Variants in RYR3 observed in about 807,000 individuals in gnomAD.
The protein encoded by RYR3 is ryanodine receptor 3.
In RYR3, 207 loss-of-function variants were observed where a neutral mutation model predicts 584.3. That is an observed-to-expected ratio of 0.35 (90% CI 0.32 to 0.40). The LOEUF (loss-of-function observed/expected upper bound fraction) is 0.40. RYR3 is among the 10% of genes least tolerant of loss of function. RYR3 has a pLI of 1.00. For synonymous variants in RYR3, 2,416 were observed against 2,248.5 expected, an observed-to-expected ratio of 1.07 and a Z score of -2.11; for missense variants, 5,616 against 6,089.2, an observed-to-expected ratio of 0.92 and a Z score of 2.59.
intron 1 of RYR3, among the ~76,000 whole-genome samples, chr15:33,387,568 T>C (rs1567142525): frequency 6.6e-6 from 1 of 151,652 alleles, no homozygotes; most frequent in East Asian, 1.9e-4. Context: ...GCTTGATCCT[T>C]AAATATGTGC....
At chr15:33,635,531 T>C in intron 25 of RYR3, 83 bp from the exon 26 acceptor site, 2 of 1,021,474 alleles carry the variant, frequency 2.0e-6, no homozygotes, top group Non-Finnish European at 1.5e-6. Flanking sequence ...TCAAATTCTT[T>C]TGAGTAGTGC....
intron 1 of RYR3, among the ~76,000 whole-genome samples, chr15:33,317,705 A>G (rs1968388418): frequency 6.6e-6 from 1 of 152,136 alleles, no homozygotes; most frequent in South Asian, 2.1e-4. Context: ...AGTTCAGATC[A>G]TCTCTGAGAC....
chr15:33,642,344 G>A (rs2061876715), intron 27 of RYR3, among the ~76,000 whole-genome samples: 1 of 152,164 alleles, frequency 6.6e-6, no homozygotes, highest in East Asian at 1.9e-4. Context: ...TCACATCAAG[G>A]CTGGACTATT....
intron 1 of RYR3, among the ~76,000 whole-genome samples, chr15:33,388,572 G>A (rs748794513): frequency 1.3e-5 from 2 of 152,080 alleles, no homozygotes; most frequent in Non-Finnish European, 2.9e-5. Context: ...CAAGAATGAA[G>A]ACAAGGACAA....
intron 16 of RYR3, among the ~76,000 whole-genome samples, chr15:33,590,224 G>A (rs192247744): frequency 2.5e-4 from 38 of 152,266 alleles, no homozygotes; most frequent in African/African-American, 8.2e-4. Flanking sequence ...GCAGGAACCG[G>A]CCATTTTCAC....
At chr15:33,531,879 T>C (rs2141060040) in intron 4 of RYR3, among the ~76,000 whole-genome samples, 1 of 152,212 alleles carries the variant, frequency 6.6e-6, no homozygotes, top group African/African-American at 2.4e-5. Flanking sequence ...TAAATAAAAC[T>C]CCAACACTTG....
At chr15:33,359,057 T>A (rs1190937508) in intron 1 of RYR3, among the ~76,000 whole-genome samples, 1 of 152,188 alleles carries the variant, frequency 6.6e-6, no homozygotes, top group East Asian at 1.9e-4. Context: ...TCTCCAAATT[T>A]ACCCTGAACA....
rs2879410 is a variant in RYR3, at chr15:33,570,176, C to G, written c.1268+3377C>G. Among the ~76,000 whole-genome samples, 517 of 152,178 alleles carry G rather than the reference C, an allele frequency of 3.4e-3. 1 individual carries two copies. Among genetic ancestry groups the G allele is most frequent in the African/African-American group, 8.1e-3 (337 of 41,550 alleles). ...CTCAAAATCATCATGATTTTCTCCT[C>G]TGTGTTTTTCTAAAAGTTTCAAAAT... On this transcript the variant is annotated intron_variant, in intron 12 of 103. Transcript: ENST00000634891.
chr15:33,385,361 T>C (rs945678100), intron 1 of RYR3, among the ~76,000 whole-genome samples: 1 of 152,198 alleles, frequency 6.6e-6, no homozygotes, highest in Non-Finnish European at 1.5e-5. Context: ...ATGGAATTTA[T>C]CTTTTTTATC....
intron 12 of RYR3, among the ~76,000 whole-genome samples, chr15:33,575,599 G>T (rs2058259113): frequency 6.6e-6 from 1 of 152,068 alleles, no homozygotes; most frequent in African/African-American, 2.4e-5. Flanking sequence ...AGAATCTCTG[G>T]GATGCAGCTA....
In RYR3 at chr15:33,697,876, T is replaced by C. The variant is rs773468107; in HGVS notation, c.6135-6T>C. 1.4e-5 allele frequency: 22 copies of C among 1,578,758 alleles called. No homozygotes were observed. The highest frequency in any genetic ancestry group is 1.7e-5 in the Non-Finnish European group (19 of 1,147,728). On this transcript the variant is annotated splice_region_variant and splice_polypyrimidine_tract_variant and intron_variant, in intron 39 of 103. Coordinates refer to ENST00000634891, the MANE Select transcript of RYR3 (RefSeq NM_001036.6). ...TGCTGAAGACTCTCTCTGATCCTTATCCTAGAGACATAATGAACAACAAGG... is the reference window on the plus strand; with the variant it reads ...TGCTGAAGACTCTCTCTGATCCTTACCCTAGAGACATAATGAACAACAAGG...
At chr15:33,765,616 G>T (rs2072964918) in intron 60 of RYR3, among the ~76,000 whole-genome samples, 2 of 116,350 alleles carry the variant, frequency 1.7e-5, no homozygotes, top group African/African-American at 6.8e-5. Flanking sequence ...CTCGCCAATA[G>T]AGTGAGACTC....
At chr15:33,671,604 T>G (rs1172390461) in intron 38 of RYR3, among the ~76,000 whole-genome samples, 2 of 152,032 alleles carry the variant, frequency 1.3e-5, no homozygotes, top group Non-Finnish European at 2.9e-5. Flanking sequence ...ATAGGGTAGT[T>G]CCATCAGTCA....
intron 88 of RYR3, among the ~76,000 whole-genome samples, chr15:33,837,232 C>A (rs116948070): frequency 6.6e-6 from 1 of 152,324 alleles, no homozygotes; most frequent in East Asian, 1.9e-4. Context: ...CCAAGCTTTG[C>A]TCTTCCCTAT....
In RYR3 at chr15:33,409,858, G is replaced by A. The variant is rs115277767; in HGVS notation, c.52-63561G>A. ...GGCACAAGGTTGTCTAAGGAGTCAG[G>A]AAATGCTAGTTCCTGTTCTCTTTCT... On this transcript the variant is annotated intron_variant, in intron 1 of 103. Coordinates refer to ENST00000634891, the MANE Select transcript of RYR3 (RefSeq NM_001036.6). 4.3e-3 allele frequency among the ~76,000 whole-genome samples: 661 copies of A among 152,240 alleles called. 5 individuals are homozygous for A. The highest frequency in any genetic ancestry group is 0.015 in the African/African-American group (629 of 41,530).
intron 1 of RYR3, among the ~76,000 whole-genome samples, chr15:33,353,584 C>T (rs1273967746): frequency 6.6e-6 from 1 of 152,194 alleles, no homozygotes; most frequent in East Asian, 1.9e-4. Context: ...CTGAAAGTCC[C>T]ACATCCTAGA....
chr15:33,465,355 A>C (rs1443245265), intron 1 of RYR3, among the ~76,000 whole-genome samples: 1 of 152,076 alleles, frequency 6.6e-6, no homozygotes, highest in Admixed American at 6.5e-5. Flanking sequence ...TAATTTTTTG[A>C]AAACCCACCT....
chr15:33,375,225 A>C (rs2040634583), intron 1 of RYR3, among the ~76,000 whole-genome samples: 1 of 151,858 alleles, frequency 6.6e-6, no homozygotes, highest in Non-Finnish European at 1.5e-5. Context: ...TTTTAAGTGA[A>C]ATAATACAAA....
intron 2 of RYR3, among the ~76,000 whole-genome samples, chr15:33,483,977 T>G (rs942788951): frequency 2.0e-5 from 3 of 152,136 alleles, no homozygotes; most frequent in African/African-American, 7.2e-5. Flanking sequence ...CTTCTCATCT[T>G]TAAAAAGTAA....
Sources: gnomAD v4.1 joint callset for allele counts (sites outside exome capture counted in the v4.1 genomes callset) on GRCh38, gnomAD v4.1.1 for gene constraint, MANE v1.5 for transcripts, NCBI Gene and HGNC (gene_info 2026-07-23, HGNC 2026-07-21) for gene names.